The following PTCHD1 variants were observed in gnomAD, a reference collection of about 807,000 sequenced individuals.
PTCHD1 encodes the protein patched domain containing 1.
PTCHD1 carries 3 observed loss-of-function variants against 34.6 expected under a neutral mutation model. The observed-to-expected ratio is 0.09, with a 90% CI of 0.04 to 0.22. The LOEUF (loss-of-function observed/expected upper bound fraction) is 0.22, where lower values mean the gene tolerates loss of function less well. Ranked by LOEUF, PTCHD1 falls within the 10% of genes least tolerant of loss-of-function variation. The probability of loss-of-function intolerance (pLI) is 1.00; values close to 1 mark genes in which losing one functional copy is unlikely to be tolerated. For missense variants in PTCHD1, 504 were observed against 685.5 expected (o/e 0.74, Z 2.96); for synonymous variants, 305 against 283.1 (o/e 1.08, Z -0.77).
intron 1 of PTCHD1, among the ~76,000 whole-genome samples, chrX:23,337,415 T>C (rs994063045): frequency 8.9e-6 from 1 of 112,109 alleles, no homozygotes; most frequent in Non-Finnish European, 1.9e-5. Flanking sequence ...ATGTTTAATT[T>C]TTTCTTTCTG....
rs1923036365 is a variant in PTCHD1 at position 23,398,132 on chromosome X, T to C, written c.*3947T>C. ...CCTTTGAGTGACATTGCAGGTATAT[T>C]GTGGGGATTGAATGAGATGAGAGAT... is the stretch of plus-strand genomic sequence containing the variant. On this transcript the variant is annotated 3_prime_UTR_variant, in exon 3 of 3. Coordinates refer to ENST00000379361, the MANE Select transcript of PTCHD1 (RefSeq NM_173495.3). The C allele has an allele frequency of 9.9e-5, 11 of 111,283 alleles. No homozygotes were observed. In the South Asian group the frequency reaches 4.2e-3, roughly 43 times the overall value. 9.2% of individuals were successfully genotyped at this position (111,283 alleles called of 1,213,427 possible). A position where few individuals can be genotyped will look rare whatever the true frequency, so the allele number is the denominator to read the frequency against.
chrX:23,387,819 A>C (rs185775001), intron 2 of PTCHD1, among the ~76,000 whole-genome samples: 152 of 112,415 alleles, frequency 1.4e-3, no homozygotes, highest in African/African-American at 4.6e-3. Context: ...ACAGACATGC[A>C]GGGTAACAAA....
intron 1 of PTCHD1, among the ~76,000 whole-genome samples, chrX:23,369,341 G>A (rs1922222753): frequency 8.9e-6 from 1 of 111,769 alleles, no homozygotes; most frequent in East Asian, 2.8e-4. Context: ...ATCTCCTGCT[G>A]TGAGTTGACC....
intron 1 of PTCHD1, among the ~76,000 whole-genome samples, chrX:23,350,062 A>T (rs1055646889): frequency 2.4e-3 from 133 of 54,443 alleles, no homozygotes; most frequent in Non-Finnish European, 3.2e-3. Flanking sequence ...AGTGCTGTTA[A>T]AAAAAAAAAA....
chrX:23,399,190 A>G lies in PTCHD1; in HGVS notation c.*5005A>G, dbSNP rs1433280402. The G allele has an allele frequency of 8.9e-6, 1 of 111,800 alleles. No homozygotes were observed. The highest frequency in any genetic ancestry group is 1.9e-5 in the Non-Finnish European group (1 of 53,192). The allele number at this position is 111,800 out of a possible 1,213,427, so 9.2% of individuals were successfully genotyped here. A position where few individuals can be genotyped will look rare whatever the true frequency, so the allele number is the denominator to read the frequency against. ...CCTACCCCTTTGTTTTTCACATGAG[A>G]AAACTGAACCCTCGAGTAATGAAAT... On this transcript the variant is annotated 3_prime_UTR_variant, in exon 3 of 3. Transcript: ENST00000379361.
At chrX:23,383,040 T>C (rs1407480171) in intron 2 of PTCHD1, among the ~76,000 whole-genome samples, 1 of 112,169 alleles carries the variant, frequency 8.9e-6, no homozygotes, top group Non-Finnish European at 1.9e-5. Context: ...TCTGGGGTTT[T>C]TGGATGACCA....
intron 1 of PTCHD1, among the ~76,000 whole-genome samples, chrX:23,346,163 C>G (rs946048543): frequency 8.9e-6 from 1 of 112,341 alleles, no homozygotes; most frequent in African/African-American, 3.2e-5. Context: ...TCAGATGGTA[C>G]AGCAGGCACA....
intron 1 of PTCHD1, among the ~76,000 whole-genome samples, chrX:23,357,768 G>C (rs1460724984): frequency 9.0e-6 from 1 of 111,221 alleles, no homozygotes. Flanking sequence ...CCATCAACCC[G>C]TCATTTACAT....
At chrX:23,359,810 T>C (rs1035713826) in intron 1 of PTCHD1, among the ~76,000 whole-genome samples, 7 of 112,039 alleles carry the variant, frequency 6.2e-5, no homozygotes, top group Non-Finnish European at 1.3e-4. Flanking sequence ...CTTATTATTT[T>C]GAGGTACTTT....
At position 23,379,739 on chromosome X, in the gene PTCHD1, A is replaced by G; in HGVS notation, c.500A>G (p.Asn167Ser). ...GAGCTAAAGAATGCTCGGGCCACCAATCGGACCAATTTTGCTATCACATAC... is the reference window on the plus strand; with the variant it reads ...GAGCTAAAGAATGCTCGGGCCACCAGTCGGACCAATTTTGCTATCACATAC... Reference protein sequence around the residue: ...LEELKNARATNRTNFAITYPI... With the variant: ...LEELKNARATSRTNFAITYPI... The change falls in exon 2 of 3, where the codon AAT (asparagine) becomes AGT (serine). Residue 167 changes from asparagine (N) to serine (S), a missense_variant. Coordinates refer to ENST00000379361, the MANE Select transcript of PTCHD1 (RefSeq NM_173495.3). 8.3e-7 allele frequency: 1 copy of G among 1,211,369 alleles called. No individual in the cohort carries two copies. Among genetic ancestry groups the G allele is most frequent in the African/African-American group, 1.7e-5 (1 of 57,595 alleles).
intron 1 of PTCHD1, among the ~76,000 whole-genome samples, chrX:23,369,123 A>G (rs1159530075): frequency 1.8e-5 from 2 of 112,320 alleles, no homozygotes; most frequent in Middle Eastern, 4.6e-3. Flanking sequence ...TGACTGATGA[A>G]AGTCTTCTCC....
chrX:23,369,161 A>G (rs1202177151), intron 1 of PTCHD1, among the ~76,000 whole-genome samples: 3 of 112,101 alleles, frequency 2.7e-5, no homozygotes, highest in Admixed American at 1.9e-4. Context: ...CTTCATCTCC[A>G]GCTGTTTGCG....
intron 1 of PTCHD1, among the ~76,000 whole-genome samples, chrX:23,346,356 G>A (rs1056717536): frequency 2.7e-5 from 3 of 111,357 alleles, no homozygotes; most frequent in African/African-American, 6.5e-5. Context: ...CGACCCACTC[G>A]GAATATGACA....
At chrX:23,380,728 C>T (rs1922540765) in intron 2 of PTCHD1, among the ~76,000 whole-genome samples, 1 of 111,468 alleles carries the variant, frequency 9.0e-6, no homozygotes, top group African/African-American at 3.3e-5. Flanking sequence ...GCTGTGGGCA[C>T]CTGTGGTTCA....
At chrX:23,387,784 C>T (rs1324445636) in intron 2 of PTCHD1, among the ~76,000 whole-genome samples, 2 of 111,916 alleles carry the variant, frequency 1.8e-5, no homozygotes, top group African/African-American at 3.2e-5. Context: ...TACTGATATG[C>T]ATTTGTTCTT....
rs1282823703 is a variant in PTCHD1, at chrX:23,400,675, G to C, written c.*6490G>C. 1 of 111,855 alleles carries C rather than the reference G, an allele frequency of 8.9e-6. No homozygotes were observed. The highest frequency in any genetic ancestry group is 1.9e-5 in the Non-Finnish European group (1 of 53,248). The allele number at this position is 111,855 out of a possible 1,213,427, so 9.2% of individuals were successfully genotyped here. ...CCGCCTCGGTTGGCCTATGGGAAGG[G>C]CTGGGTGAATCACTGCTTGGCCTTG... is the stretch of plus-strand genomic sequence containing the variant. On this transcript the variant is annotated 3_prime_UTR_variant, in exon 3 of 3. Transcript: ENST00000379361.
intron 1 of PTCHD1, among the ~76,000 whole-genome samples, chrX:23,342,151 C>G (rs920649485): frequency 1.9e-5 from 2 of 107,160 alleles, no homozygotes; most frequent in African/African-American, 3.3e-5. Context: ...TTGGAGAAAT[C>G]TCAGTTGTGG....
rs754644558 is a variant in PTCHD1, at chrX:23,379,800, C to T, written c.561C>T (p.Tyr187=). The part of the protein sequence containing the change: ...ITHLKDGRAV[Y]NGHQLGGVTV... Reference sequence around the variant, plus strand: ...ACTTAAAGGACGGGAGGGCTGTGTACAATGGGCACCAGCTTGGGGGCGTCA... The same window carrying T: ...ACTTAAAGGACGGGAGGGCTGTGTATAATGGGCACCAGCTTGGGGGCGTCA... Residue 187 remains tyrosine, a synonymous_variant, in exon 2 of 3, where the codon TAC becomes TAT. Coordinates refer to ENST00000379361, the MANE Select transcript of PTCHD1 (RefSeq NM_173495.3). 8.3e-7 allele frequency: 1 copy of T among 1,211,497 alleles called. No individual in the cohort carries two copies. The highest frequency in any genetic ancestry group is 1.1e-6 in the Non-Finnish European group (1 of 895,451).
At chrX:23,358,173 C>A (rs1185146163) in intron 1 of PTCHD1, among the ~76,000 whole-genome samples, 1 of 111,847 alleles carries the variant, frequency 8.9e-6, no homozygotes, top group East Asian at 2.8e-4. Context: ...GGTATATACC[C>A]AGGAATGAGA....
Sources: allele counts gnomAD v4.1 joint callset (sites outside exome capture counted in the v4.1 genomes callset), GRCh38; gene constraint gnomAD v4.1.1; transcripts MANE v1.5; gene names NCBI Gene and HGNC (gene_info 2026-07-23, HGNC 2026-07-21).